Variants in CATSPERE observed in about 807,000 individuals in gnomAD.
The protein encoded by CATSPERE is cation channel sperm-associated auxiliary subunit epsilon.
In CATSPERE, 93 loss-of-function variants were observed where a neutral mutation model predicts 114.1. The observed-to-expected ratio is 0.81, with a 90% confidence interval of 0.69 to 0.97. The LOEUF (loss-of-function observed/expected upper bound fraction) is 0.97, where lower values mean the gene tolerates loss of function less well. Among genes scored for constraint, CATSPERE ranks in the 50% least tolerant of loss-of-function variants. The pLI is 0.00. For missense variants in CATSPERE, 1,058 were observed against 1,131.6 expected, an observed-to-expected ratio of 0.93 and a Z score of 0.93; for synonymous variants, 341 against 384.1, an observed-to-expected ratio of 0.89 and a Z score of 1.31.
intron 6 of CATSPERE, among the ~76,000 whole-genome samples, chr1:244,490,902 A>C (rs1672005208): frequency 1.3e-5 from 2 of 152,182 alleles, no homozygotes; most frequent in South Asian, 4.1e-4. Context: ...AATTATCTTT[A>C]AATGTTCTCA....
At chr1:244,581,994 T>C (rs548566882) in intron 12 of CATSPERE, 140 bp downstream of exon 12, 3 of 440,140 alleles carry the variant, frequency 6.8e-6, no homozygotes, top group African/African-American at 2.1e-5. Context: ...TCTGGATAGA[T>C]GTAAAATTAA....
At chr1:244,609,598 A>T (rs1670448914) in intron 18 of CATSPERE, among the ~76,000 whole-genome samples, 1 of 152,246 alleles carries the variant, frequency 6.6e-6, no homozygotes, top group Non-Finnish European at 1.5e-5. Context: ...TGTTATCACC[A>T]CTTCTAGGCA....
At chr1:244,635,613 AG>A (rs1378884052) in intron 21 of CATSPERE, 71 bp downstream of exon 21, 1 of 1,192,180 alleles carries the variant, frequency 8.4e-7, no homozygotes, top group Non-Finnish European at 1.2e-6. Context: ...AAGAAGGAAA[AG>A]CACCTCTCCC....
chr1:244,557,532 CATAT>C (rs61291602), intron 9 of CATSPERE, among the ~76,000 whole-genome samples: 225 of 40,514 alleles, frequency 5.6e-3, no homozygotes, highest in Non-Finnish European at 7.3e-3. Flanking sequence ...TTGAAATATT[CATAT>C]ATATATATAT....
upstream of CATSPERE, among the ~76,000 whole-genome samples, chr1:244,457,860 C>T (rs1666300399): frequency 6.6e-6 from 1 of 152,120 alleles, no homozygotes; most frequent in Non-Finnish European, 1.5e-5. Context: ...GTTCAGCTTT[C>T]TTTGGTCTAT....
chr1:244,490,583 T>C (rs1371862012), intron 6 of CATSPERE, 112 bp downstream of exon 6: 2 of 721,544 alleles, frequency 2.8e-6, no homozygotes, highest in Non-Finnish European at 2.3e-6. Flanking sequence ...TTTGCAATGA[T>C]ATTTGCTTAG....
At chr1:244,518,782 T>A in intron 8 of CATSPERE, 84 bp downstream of exon 8, 1 of 676,632 alleles carries the variant, frequency 1.5e-6, no homozygotes, top group Non-Finnish European at 2.4e-6. Context: ...TAATGAAATG[T>A]GTCTTATATG....
intron 12 of CATSPERE, 128 bp downstream of exon 12, chr1:244,581,982 T>C (rs1290566701): frequency 2.2e-6 from 1 of 460,332 alleles, no homozygotes; most frequent in African/African-American, 2.1e-5. Context: ...TTCCTTTCAA[T>C]GTCTGGATAG....
intron 15 of CATSPERE, 108 bp from the exon 16 acceptor site, chr1:244,593,287 A>G: frequency 9.3e-7 from 1 of 1,074,350 alleles, no homozygotes; most frequent in East Asian, 2.4e-5. Flanking sequence ...TCATAATTAT[A>G]TTTATCTGTT....
At chr1:244,479,823 A>G (rs751317145) in intron 5 of CATSPERE, 39 bp downstream of exon 5, 2 of 1,155,616 alleles carry the variant, frequency 1.7e-6, no homozygotes, top group Non-Finnish European at 1.2e-6. Flanking sequence ...TATGCTTTTA[A>G]AGAGTATTTA....
chr1:244,599,423 T>C, intron 17 of CATSPERE, among the ~76,000 whole-genome samples: 1 of 152,302 alleles, frequency 6.6e-6, no homozygotes, highest in South Asian at 2.1e-4. Flanking sequence ...GACTCCTCTC[T>C]CTCTCATACA....
chr1:244,468,250 G>A (rs1393095490), intron 2 of CATSPERE, among the ~76,000 whole-genome samples: 1 of 151,540 alleles, frequency 6.6e-6, no homozygotes, highest in South Asian at 2.1e-4. Flanking sequence ...GTGCCACCAC[G>A]CCCGGCTAAT....
intron 20 of CATSPERE, among the ~76,000 whole-genome samples, chr1:244,630,010 A>G (rs1673723999): frequency 6.6e-6 from 1 of 152,194 alleles, no homozygotes. Flanking sequence ...TGTATCATCA[A>G]TATAGTGGAC....
At chr1:244,498,175 C>T (rs3006029) in intron 6 of CATSPERE, among the ~76,000 whole-genome samples, 20,469 of 152,154 alleles carry the variant, frequency 0.13, 2,499 homozygotes, top group African/African-American at 0.32. Context: ...TTTAGAATAA[C>T]ATCCAACTGA....
intron 6 of CATSPERE, among the ~76,000 whole-genome samples, chr1:244,491,210 G>A (rs926325039): frequency 2.6e-5 from 4 of 151,988 alleles, no homozygotes; most frequent in African/African-American, 9.7e-5. Flanking sequence ...GCTCTCCTCA[G>A]CAAATGTAAA....
Position 244,477,944 on chromosome 1 carries a change from T to C in CATSPERE, c.227T>C (p.Val76Ala). The change falls in exon 4 of 22, where the codon GTT becomes GCT. Residue 76 changes from valine (V) to alanine (A), a missense_variant. This residue lies in a region of CATSPERE where 271 missense variants were observed against 225.9 expected (regional missense o/e 1.20). Transcript: ENST00000366534. Reference protein sequence around the residue: ...TTELRCSSPGVHAIKPIVTGP... With the variant: ...TTELRCSSPGAHAIKPIVTGP... Reference sequence around the variant, plus strand: ...GAATTGCGTTGTTCCTCACCTGGTGTTCACGCTATAAAACCAATTGTTACT... The same window carrying C: ...GAATTGCGTTGTTCCTCACCTGGTGCTCACGCTATAAAACCAATTGTTACT... 6.2e-7 allele frequency: 1 copy of C among 1,609,966 alleles called. No homozygotes were observed. The highest frequency in any genetic ancestry group is 8.5e-7 in the Non-Finnish European group (1 of 1,176,792).
chr1:244,514,657 G>A lies in CATSPERE; in HGVS notation c.430-3935G>A, dbSNP rs576309384. Among the ~76,000 whole-genome samples the A allele has an allele frequency of 1.1e-4, 17 of 151,966 alleles. No homozygotes were observed. The South Asian group carries it at 2.7e-3, about 24-fold the overall frequency. Reference sequence around the variant, plus strand: ...ATCCTGGCTAACATGGTGAAACCCCGTCTCTACTAAAAATACAAAAAATTA... The same window carrying A: ...ATCCTGGCTAACATGGTGAAACCCCATCTCTACTAAAAATACAAAAAATTA... On this transcript the variant is annotated intron_variant, in intron 7 of 21. Coordinates refer to ENST00000366534, the MANE Select transcript of CATSPERE (RefSeq NM_001130957.2).
intron 2 of CATSPERE, among the ~76,000 whole-genome samples, chr1:244,464,346 C>G (rs1667260928): frequency 6.6e-6 from 1 of 152,190 alleles, no homozygotes; most frequent in Non-Finnish European, 1.5e-5. Flanking sequence ...CTCTATATTA[C>G]TTTTCTTATT....
At chr1:244,521,561 T>A (rs978040972) in intron 8 of CATSPERE, among the ~76,000 whole-genome samples, 1 of 152,206 alleles carries the variant, frequency 6.6e-6, no homozygotes. Flanking sequence ...TTTTACTTCC[T>A]GCTTTCCTCG....
Sources: gnomAD v4.1 joint callset for allele counts (sites outside exome capture counted in the v4.1 genomes callset) on GRCh38, gnomAD v4.1.1 for gene constraint, gnomAD v4.1.1 regional missense constraint, MANE v1.5 for transcripts, NCBI Gene and HGNC (gene_info 2026-07-23, HGNC 2026-07-21) for gene names.